Variants in ATP10D observed in about 807,000 individuals in gnomAD.
ATP10D encodes ATPase phospholipid transporting 10D (putative), also known as phospholipid-transporting ATPase VD.
Under a neutral mutation model 144.8 loss-of-function variants are expected in ATP10D, and 89 were observed. That is an observed-to-expected ratio of 0.61 (90% confidence interval 0.52 to 0.73). ATP10D has a LOEUF of 0.73. Among genes scored for constraint, ATP10D ranks in the 30% least tolerant of loss-of-function variants. ATP10D has a pLI of 0.00. For missense variants in ATP10D, 1,603 were observed against 1,714.8 expected, an observed-to-expected ratio of 0.93 and a Z score of 1.15; for synonymous variants, 571 against 615.1, an observed-to-expected ratio of 0.93 and a Z score of 1.06.
chr4:47,555,212 G>A (rs1158691444), intron 11 of ATP10D, among the ~76,000 whole-genome samples: 3 of 152,168 alleles, frequency 2.0e-5, no homozygotes, highest in East Asian at 3.9e-4. Flanking sequence ...GTCAGATCAG[G>A]GGCAGCATTA....
chr4:47,563,779 G>C lies in ATP10D; in HGVS notation c.2853+14G>C. On this transcript the variant is annotated intron_variant, in intron 15 of 22. Transcript: ENST00000273859. The stretch of plus-strand genomic sequence containing the variant: ...ACCCAAAGTAAAGTGCGTATATTGA[G>C]ATTAAATCTGTTCTTCTGTATTTTC... 7 of 1,535,508 alleles carry C rather than the reference G, an allele frequency of 4.6e-6. No individual in the cohort carries two copies. Among genetic ancestry groups the C allele is most frequent in the Non-Finnish European group, 6.2e-6 (7 of 1,137,248 alleles).
At chr4:47,585,024 T>C (rs953605801) in intron 21 of ATP10D, among the ~76,000 whole-genome samples, 9 of 152,166 alleles carry the variant, frequency 5.9e-5, no homozygotes, top group African/African-American at 2.2e-4. Context: ...GTGCCACCAA[T>C]AGTACACACC....
At chr4:47,562,009 G>A (rs1275089676) in intron 14 of ATP10D, among the ~76,000 whole-genome samples, 2 of 152,154 alleles carry the variant, frequency 1.3e-5, no homozygotes, top group African/African-American at 4.8e-5. Flanking sequence ...GACAGTGTAA[G>A]TAGTATAGGT....
At position 47,508,764 on chromosome 4, in the gene ATP10D, T is replaced by A. The variant is rs137959337; in HGVS notation, c.-37-3740T>A. On this transcript the variant is annotated intron_variant, in intron 1 of 22. Transcript: ENST00000273859. ...TATCTCTATTTTAAAATCTTGCTTT[T>A]ATATGTGTGTGTGTATACATGTATT... is the stretch of plus-strand genomic sequence containing the variant. Among the ~76,000 whole-genome samples the A allele has an allele frequency of 3.8e-3, 585 of 152,350 alleles. 6 individuals carry two copies. Among genetic ancestry groups the A allele is most frequent in the Non-Finnish European group, 6.5e-3 (441 of 68,034 alleles).
chr4:47,528,928 T>C (rs1296312310), intron 5 of ATP10D, among the ~76,000 whole-genome samples: 1 of 152,200 alleles, frequency 6.6e-6, no homozygotes, highest in Non-Finnish European at 1.5e-5. Flanking sequence ...CATTTTTTCT[T>C]ATGCTTGTTG....
chr4:47,574,475 C>T (rs926763522), intron 18 of ATP10D, among the ~76,000 whole-genome samples: 1 of 152,200 alleles, frequency 6.6e-6, no homozygotes, highest in Non-Finnish European at 1.5e-5. Context: ...GGATGTTGGA[C>T]AACCTTTGAG....
chr4:47,532,626 T>C (rs1323969916), intron 5 of ATP10D, among the ~76,000 whole-genome samples: 1 of 152,226 alleles, frequency 6.6e-6, no homozygotes, highest in Non-Finnish European at 1.5e-5. Context: ...CTTATTCTTT[T>C]CCTGCTTTGT....
intron 13 of ATP10D, among the ~76,000 whole-genome samples, chr4:47,560,529 CAAAAGG>C (rs1719242807): frequency 6.6e-6 from 1 of 152,086 alleles, no homozygotes; most frequent in African/African-American, 2.4e-5. Flanking sequence ...AAAAAAACAT[CAAAAGG>C]TATGAAAGGT....
At chr4:47,489,644 C>T (rs1436087394) in intron 1 of ATP10D, among the ~76,000 whole-genome samples, 1 of 152,102 alleles carries the variant, frequency 6.6e-6, no homozygotes, top group African/African-American at 2.4e-5. Flanking sequence ...TCACAAAGTC[C>T]CCCATCTCCC....
rs116473542 is a variant in ATP10D, at chr4:47,550,530, G to T, written c.1635+3668G>T. Among the ~76,000 whole-genome samples the T allele has an allele frequency of 5.0e-3, 768 of 152,244 alleles. 6 individuals are homozygous for T. The highest frequency in any genetic ancestry group is 0.017 in the African/African-American group (720 of 41,528). On this transcript the variant is annotated intron_variant, in intron 10 of 22. Coordinates refer to ENST00000273859, the MANE Select transcript of ATP10D (RefSeq NM_020453.4). ...CTCCCAGAGCTCCCAAGATGGTGGC[G>T]TGTGGCTTCCAAAATGGTGGCGGGC...
rs1462868585 is a variant in ATP10D, at chr4:47,536,550, A to G, written c.1129A>G (p.Ile377Val). ...AGGATTTTATATGTTTTGGACCATG[A>G]TCATTTTGTTACAGGTAATTTTTTA... ...LAGFYMFWTM[I>V]ILLQVLIPIS... Residue 377 changes from isoleucine to valine, a missense_variant, in exon 8 of 23, where the codon ATC (isoleucine) becomes GTC (valine). By Grantham distance (29) the Ile-to-Val change is conservative. Coordinates refer to ENST00000273859, the MANE Select transcript of ATP10D (RefSeq NM_020453.4). 6.2e-7 allele frequency: 1 copy of G among 1,612,704 alleles called. No homozygotes were observed. Among genetic ancestry groups the G allele is most frequent in the Non-Finnish European group, 8.5e-7 (1 of 1,179,480 alleles).
At chr4:47,507,182 ATAT>A (rs1441602052) in intron 1 of ATP10D, among the ~76,000 whole-genome samples, 1 of 152,220 alleles carries the variant, frequency 6.6e-6, no homozygotes, top group East Asian at 1.9e-4. Flanking sequence ...TTATGAATAA[ATAT>A]TATAGAGAGA....
At chr4:47,554,122 T>C (rs925466560) in intron 10 of ATP10D, among the ~76,000 whole-genome samples, 5 of 152,224 alleles carry the variant, frequency 3.3e-5, no homozygotes, top group African/African-American at 1.2e-4. Flanking sequence ...AGAGCAAACC[T>C]GTACTGAGAA....
chr4:47,582,618 C>T (rs1720577322), intron 21 of ATP10D, among the ~76,000 whole-genome samples: 2 of 152,188 alleles, frequency 1.3e-5, no homozygotes, highest in African/African-American at 4.8e-5. Flanking sequence ...CTTTCAGTTT[C>T]TTCAGTACAT....
chr4:47,517,983 T>A (rs1406947643), intron 3 of ATP10D, among the ~76,000 whole-genome samples: 1 of 152,206 alleles, frequency 6.6e-6, no homozygotes, highest in Non-Finnish European at 1.5e-5. Context: ...TTTGGTATTG[T>A]AGAAGAAATA....
In ATP10D at chr4:47,587,182, C is replaced by T. The variant is rs556426025; in HGVS notation, c.3917C>T (p.Thr1306Met). Residue 1306 changes from threonine (T) to methionine (M), a missense_variant, in exon 22 of 23, where the codon ACG (threonine) becomes ATG (methionine). Physicochemically the swap from Thr to Met is moderately conservative, Grantham distance 81 (BLOSUM62 -1). Coordinates refer to ENST00000273859, the MANE Select transcript of ATP10D (RefSeq NM_020453.4). The part of the protein sequence containing the change: ...DPVFYLVCIL[T>M]TSIALLPRFV... ...GTATTCTACTTAGTTTGTATCCTCA[C>T]GACGTCCATTGCTCTTCTGCCCAGG... 33 of 1,613,532 alleles carry T rather than the reference C, an allele frequency of 2.0e-5. 1 individual carries two copies. Among genetic ancestry groups the T allele is most frequent in the African/African-American group, 1.7e-4 (13 of 75,018 alleles).
intron 3 of ATP10D, among the ~76,000 whole-genome samples, chr4:47,521,166 A>G (rs1208738952): frequency 6.6e-6 from 1 of 152,140 alleles, no homozygotes; most frequent in African/African-American, 2.4e-5. Flanking sequence ...ATCAACTGCC[A>G]TCTATGTACC....
chr4:47,563,503 T>C, intron 14 of ATP10D, 78 bp from the exon 15 acceptor site: 1 of 1,310,286 alleles, frequency 7.6e-7, no homozygotes, highest in Non-Finnish European at 1.1e-6. Flanking sequence ...CTAACAGATA[T>C]GATTCAACTG....
At chr4:47,526,401 G>A (rs113509456) in intron 5 of ATP10D, among the ~76,000 whole-genome samples, 55 of 152,178 alleles carry the variant, frequency 3.6e-4, no homozygotes, top group African/African-American at 1.3e-3. Context: ...CAAACTAGAA[G>A]TAGAAGGGAA....
Sources: gnomAD v4.1 joint callset for allele counts (sites outside exome capture counted in the v4.1 genomes callset) on GRCh38, gnomAD v4.1.1 for gene constraint, MANE v1.5 for transcripts, NCBI Gene and HGNC (gene_info 2026-07-23, HGNC 2026-07-21) for gene names.